The following GXYLT2 variants were observed in gnomAD, a reference collection of about 807,000 sequenced individuals.
GXYLT2 encodes glycosyltransferase 8 domain containing 4.
In GXYLT2, 53 loss-of-function variants were observed where a neutral mutation model predicts 45.8. That is an observed-to-expected ratio of 1.16 (90% confidence interval 0.93 to 1.46). GXYLT2 has a LOEUF of 1.46. Among genes scored for constraint, GXYLT2 ranks in the 40% most tolerant of loss-of-function variants. GXYLT2 has a pLI of 0.00. For synonymous variants in GXYLT2, 219 were observed against 214.2 expected, an observed-to-expected ratio of 1.02 and a Z score of -0.19; for missense variants, 551 against 544.4, an observed-to-expected ratio of 1.01 and a Z score of -0.12.
At chr3:72,974,652 T>G (rs1711056847) in intron 6 of GXYLT2, among the ~76,000 whole-genome samples, 1 of 152,208 alleles carries the variant, frequency 6.6e-6, no homozygotes. Flanking sequence ...CTTGCCATGT[T>G]GCTCAGGCTG....
intron 3 of GXYLT2, chr3:72,929,642 C>T: frequency 2.4e-6 from 2 of 836,360 alleles, no homozygotes; most frequent in South Asian, 1.3e-5. Flanking sequence ...CTTCCCTGGT[C>T]ACCAAGGCAG....
chr3:72,974,831 A>T, intron 6 of GXYLT2, 146 bp from the exon 7 acceptor site: 1 of 576,956 alleles, frequency 1.7e-6, no homozygotes, highest in Non-Finnish European at 3.0e-6. Flanking sequence ...ACAGGATTTT[A>T]AGTTAGATCC....
chr3:72,958,694 C>G (rs1003250046), intron 5 of GXYLT2, among the ~76,000 whole-genome samples: 3 of 141,356 alleles, frequency 2.1e-5, no homozygotes, highest in African/African-American at 8.0e-5. Flanking sequence ...TGCAGTGACA[C>G]AATCTCAGCT....
rs1490398406 is a variant in GXYLT2 at position 72,967,549 on chromosome 3, T to G, written c.979T>G (p.Cys327Gly). Residue 327 changes from cysteine (C) to glycine (G), a missense_variant and splice_region_variant, in exon 6 of 7, where the codon TGT becomes GGT. Transcript: ENST00000389617. ...TGTCTTTCTCTTTTTACCACCAGAGTGTCTCTATGTATTCCCCTGCCAGTG... is the reference window on the plus strand; with the variant it reads ...TGTCTTTCTCTTTTTACCACCAGAGGGTCTCTATGTATTCCCCTGCCAGTG... ...LNIIFYFNPE[C>G]LYVFPCQWNY... 6.2e-7 allele frequency: 1 copy of G among 1,612,650 alleles called. No homozygotes were observed. Among genetic ancestry groups the G allele is most frequent in the East Asian group, 2.2e-5 (1 of 44,856 alleles).
At chr3:72,941,730 A>T (rs938346392) in intron 3 of GXYLT2, among the ~76,000 whole-genome samples, 7 of 152,186 alleles carry the variant, frequency 4.6e-5, no homozygotes, top group African/African-American at 1.2e-4. Context: ...AAATAAATAT[A>T]TAGGTACAGA....
chr3:72,923,878 G>A (rs566881367), intron 3 of GXYLT2, among the ~76,000 whole-genome samples: 10 of 152,106 alleles, frequency 6.6e-5, no homozygotes, highest in East Asian at 5.8e-4. Context: ...TGATCCTCTC[G>A]CCTTGGCCTC....
intron 3 of GXYLT2, among the ~76,000 whole-genome samples, chr3:72,934,605 C>T (rs535962182): frequency 6.6e-6 from 1 of 152,208 alleles, no homozygotes; most frequent in South Asian, 2.1e-4. Context: ...GGTGTAGTTA[C>T]ATTTATGTTT....
rs941506939 is a variant in GXYLT2, at chr3:72,914,300, C to T, written c.468+5741C>T. Among the ~76,000 whole-genome samples, 17 of 152,158 alleles carry T rather than the reference C, an allele frequency of 1.1e-4. 1 individual carries two copies. The highest frequency in any genetic ancestry group is 3.1e-4 in the African/African-American group (13 of 41,496). ...CATATTTTAAAGTTTCATTTATTTT[C>T]GTCATCTCCCAACAGAGAAGTGGGA... is the stretch of plus-strand genomic sequence containing the variant. On this transcript the variant is annotated intron_variant, in intron 2 of 6. Transcript: ENST00000389617.
chr3:72,903,499 G>C (rs1389604499), intron 1 of GXYLT2, among the ~76,000 whole-genome samples: 1 of 152,182 alleles, frequency 6.6e-6, no homozygotes, highest in African/African-American at 2.4e-5. Context: ...TGAACTATGG[G>C]TGGTGTGTAG....
chr3:72,974,759 A>G (rs1234762177), intron 6 of GXYLT2, among the ~76,000 whole-genome samples: 1 of 151,984 alleles, frequency 6.6e-6, no homozygotes, highest in Non-Finnish European at 1.5e-5. Flanking sequence ...TTTTCTTTTT[A>G]AAGAGGTAAA....
At chr3:72,908,985 C>T (rs1709563263) in intron 2 of GXYLT2, among the ~76,000 whole-genome samples, 1 of 152,016 alleles carries the variant, frequency 6.6e-6, no homozygotes, top group Non-Finnish European at 1.5e-5. Flanking sequence ...CTTGGCCTCC[C>T]AAAGTGCTGG....
chr3:72,957,992 C>A (rs1439227216), intron 5 of GXYLT2, among the ~76,000 whole-genome samples: 1 of 152,040 alleles, frequency 6.6e-6, no homozygotes, highest in Non-Finnish European at 1.5e-5. Context: ...TTAAAACTCC[C>A]AGGCACAGTG....
At chr3:72,958,045 C>T (rs1390762267) in intron 5 of GXYLT2, among the ~76,000 whole-genome samples, 2 of 152,044 alleles carry the variant, frequency 1.3e-5, no homozygotes, top group Non-Finnish European at 2.9e-5. Flanking sequence ...CCAAGTTGGG[C>T]GGATCACTTG....
chr3:72,913,345 G>C (rs1296672999), intron 2 of GXYLT2, among the ~76,000 whole-genome samples: 1 of 151,002 alleles, frequency 6.6e-6, no homozygotes, highest in Non-Finnish European at 1.5e-5. Flanking sequence ...GCCTCCTCAG[G>C]TTTTTATTAA....
intron 6 of GXYLT2, among the ~76,000 whole-genome samples, chr3:72,974,711 G>A (rs1051216074): frequency 1.3e-5 from 2 of 152,222 alleles, no homozygotes; most frequent in South Asian, 4.1e-4. Context: ...GCCTCTCAAA[G>A]TGCTGGGGTT....
chr3:72,916,570 C>T (rs1709747599), intron 2 of GXYLT2, among the ~76,000 whole-genome samples: 1 of 151,908 alleles, frequency 6.6e-6, no homozygotes, highest in Admixed American at 6.6e-5. Context: ...GATAGAGTCT[C>T]GCTCTGTTGC....
chr3:72,896,741 C>G (rs566313739), intron 1 of GXYLT2, among the ~76,000 whole-genome samples: 1 of 151,994 alleles, frequency 6.6e-6, no homozygotes, highest in Non-Finnish European at 1.5e-5. Flanking sequence ...CCCAGCTACT[C>G]TGGAGGCTGA....
intron 1 of GXYLT2, among the ~76,000 whole-genome samples, chr3:72,894,764 G>A (rs1709252284): frequency 6.6e-6 from 1 of 152,218 alleles, no homozygotes; most frequent in Non-Finnish European, 1.5e-5. Flanking sequence ...GTTGTTGAGG[G>A]GAGGATGGCA....
chr3:72,918,681 G>C (rs1284836082), intron 2 of GXYLT2, among the ~76,000 whole-genome samples: 1 of 151,964 alleles, frequency 6.6e-6, no homozygotes, highest in Non-Finnish European at 1.5e-5. Context: ...AAAAAAATTA[G>C]CTGGGCATAG....
Sources: allele counts gnomAD v4.1 joint callset (sites outside exome capture counted in the v4.1 genomes callset), GRCh38; gene constraint gnomAD v4.1.1; transcripts MANE v1.5; gene names NCBI Gene and HGNC (gene_info 2026-07-23, HGNC 2026-07-21).